HSDL2: variants seen among roughly 807,000 people sequenced by gnomAD.
HSDL2 encodes hydroxysteroid dehydrogenase like 2, also known as hydroxysteroid dehydrogenase-like protein 2.
A neutral mutation model predicts 46.3 loss-of-function variants in HSDL2; 27 were observed. That is an observed-to-expected ratio of 0.58 (90% CI 0.43 to 0.80). The LOEUF (loss-of-function observed/expected upper bound fraction) is 0.80, where lower values mean the gene tolerates loss of function less well. Among genes scored for constraint, HSDL2 ranks in the 30% least tolerant of loss-of-function variants. The pLI is 0.00. For missense variants in HSDL2, 451 were observed against 502.7 expected, an observed-to-expected ratio of 0.90 and a Z score of 0.98; for synonymous variants, 153 against 163.6, an observed-to-expected ratio of 0.94 and a Z score of 0.50.
At chr9:112,399,506 T>A (rs1170187282) in intron 1 of HSDL2, among the ~76,000 whole-genome samples, 1 of 152,128 alleles carries the variant, frequency 6.6e-6, no homozygotes, top group Admixed American at 6.5e-5. Context: ...ACCACAAATT[T>A]ACCAGGGTGG....
At chr9:112,415,514 C>A (rs1465660430) in intron 4 of HSDL2, among the ~76,000 whole-genome samples, 1 of 152,138 alleles carries the variant, frequency 6.6e-6, no homozygotes, top group East Asian at 1.9e-4. Context: ...AGAATTTGAA[C>A]CCTGGTCTGT....
chr9:112,399,292 G>A (rs952116370), intron 1 of HSDL2, among the ~76,000 whole-genome samples: 1 of 152,122 alleles, frequency 6.6e-6, no homozygotes, highest in African/African-American at 2.4e-5. Context: ...AAAGGGGAGG[G>A]GGTGTAAGAA....
intron 6 of HSDL2, among the ~76,000 whole-genome samples, chr9:112,430,729 G>A (rs1832369104): frequency 6.6e-6 from 1 of 152,148 alleles, no homozygotes; most frequent in African/African-American, 2.4e-5. Context: ...TTTGGGATGT[G>A]AGAGAAAGAG....
chr9:112,422,292 C>T (rs542662762), intron 6 of HSDL2, among the ~76,000 whole-genome samples: 20 of 152,114 alleles, frequency 1.3e-4, no homozygotes, highest in African/African-American at 4.6e-4. Flanking sequence ...CTAAGAGGAC[C>T]CAATATCCAG....
At chr9:112,421,049 G>A (rs1564116952) in intron 6 of HSDL2, among the ~76,000 whole-genome samples, 1 of 152,156 alleles carries the variant, frequency 6.6e-6, no homozygotes, top group Non-Finnish European at 1.5e-5. Flanking sequence ...AATGTAACAG[G>A]CCAGTTGCAG....
chr9:112,417,067 G>C, intron 5 of HSDL2, 123 bp downstream of exon 5: 1 of 453,410 alleles, frequency 2.2e-6, no homozygotes, highest in Non-Finnish European at 4.0e-6. Flanking sequence ...TCTATGCCAA[G>C]TCATTAAGTG....
At chr9:112,381,481 G>A (rs1378980447) in intron 1 of HSDL2, among the ~76,000 whole-genome samples, 1 of 152,114 alleles carries the variant, frequency 6.6e-6, no homozygotes, top group Non-Finnish European at 1.5e-5. Flanking sequence ...AGCCTCCCGA[G>A]TAGCTGGGAC....
At chr9:112,400,101 G>A (rs1021449156) in intron 1 of HSDL2, among the ~76,000 whole-genome samples, 12 of 152,118 alleles carry the variant, frequency 7.9e-5, no homozygotes, top group African/African-American at 2.2e-4. Flanking sequence ...CTGACTTCCC[G>A]CAACAAGAAG....
intron 8 of HSDL2, among the ~76,000 whole-genome samples, chr9:112,446,536 C>T (rs1463687597): frequency 6.6e-6 from 1 of 152,082 alleles, no homozygotes; most frequent in African/African-American, 2.4e-5. Context: ...GAGGCTGAGG[C>T]GGGAGGATCA....
In HSDL2 at chr9:112,432,855, C is replaced by T. The variant is rs531237799; in HGVS notation, c.599-5576C>T. ...CCATCTCGGCTCACTGAAACCTGTG[C>T]CTCCTGAGTTCAAGTGATTATCCTG... On this transcript the variant is annotated intron_variant, in intron 6 of 10. Coordinates refer to ENST00000398805, the MANE Select transcript of HSDL2 (RefSeq NM_032303.5). Among the ~76,000 whole-genome samples, 5 of 152,282 alleles carry T rather than the reference C, an allele frequency of 3.3e-5. No homozygotes were observed. The South Asian group carries it at 8.3e-4, about 25-fold the overall frequency.
At position 112,409,015 on chromosome 9, in the gene HSDL2, A is replaced by G. The variant is rs770041411; in HGVS notation, c.389A>G (p.Tyr130Cys). ...ATGAACGTGAACACCAGAGGCACCT[A>G]CCTTGCGTAAGTTTGCAAGAAGAGT... ...LMMNVNTRGT[Y>C]LASKACIPYL... The change falls in exon 4 of 11, where the codon TAC becomes TGC. Residue 130 changes from tyrosine (Y) to cysteine (C), a missense_variant. Transcript: ENST00000398805. The G allele has an allele frequency of 1.9e-6, 3 of 1,581,954 alleles. No individual in the cohort carries two copies. Among genetic ancestry groups the G allele is most frequent in the Non-Finnish European group, 2.6e-6 (3 of 1,155,590 alleles).
At chr9:112,393,613 G>A (rs1831393275) in intron 1 of HSDL2, among the ~76,000 whole-genome samples, 1 of 152,192 alleles carries the variant, frequency 6.6e-6, no homozygotes, top group South Asian at 2.1e-4. Flanking sequence ...ACTGTAATTA[G>A]GCCCATGATC....
chr9:112,441,725 T>C lies in HSDL2; in HGVS notation c.820T>C (p.Leu274=). The change falls in exon 8 of 11, where the codon TTA becomes CTA. Residue 274 remains leucine (L), a synonymous_variant. Coordinates refer to ENST00000398805, the MANE Select transcript of HSDL2 (RefSeq NM_032303.5). ...TCATCCTTTGCAACCAGATTTCTTCTTAGATGAATACCCAGAAGCAGTTAG... is the reference window on the plus strand; with the variant it reads ...TCATCCTTTGCAACCAGATTTCTTCCTAGATGAATACCCAGAAGCAGTTAG... The part of the protein sequence containing the change: ...PGHPLQPDFF[L]DEYPEAVSKK... 1 of 1,613,024 alleles carries C rather than the reference T, an allele frequency of 6.2e-7. No homozygotes were observed. The highest frequency in any genetic ancestry group is 8.5e-7 in the Non-Finnish European group (1 of 1,179,160).
chr9:112,406,531 C>T (rs7026720), intron 3 of HSDL2, among the ~76,000 whole-genome samples: 2,419 of 151,590 alleles, frequency 0.016, 57 homozygotes, highest in African/African-American at 0.056. Context: ...AGTGCAGTGG[C>T]GCAATCTCGG....
chr9:112,420,506 T>TA (rs796449568), intron 6 of HSDL2, among the ~76,000 whole-genome samples: 23 of 103,026 alleles, frequency 2.2e-4, no homozygotes, highest in Admixed American at 6.9e-4. Context: ...TGAGGCCTCT[T>TA]AAAAAAAAAA....
chr9:112,428,048 C>T (rs1420243115), intron 6 of HSDL2, among the ~76,000 whole-genome samples: 2 of 152,200 alleles, frequency 1.3e-5, no homozygotes, highest in African/African-American at 2.4e-5. Context: ...TCCAGAGTTG[C>T]TTCCTATCTG....
At chr9:112,396,228 C>G (rs911761964) in intron 1 of HSDL2, among the ~76,000 whole-genome samples, 2 of 152,158 alleles carry the variant, frequency 1.3e-5, no homozygotes, top group Non-Finnish European at 2.9e-5. Flanking sequence ...ACCATCAGGG[C>G]TAGTGCAAGG....
In HSDL2 at chr9:112,462,600, ATGTGTGTGTGTGTGTG is replaced by A. The variant is rs3032131; in HGVS notation, c.1144+3049_1144+3064del. Among the ~76,000 whole-genome samples the A allele has an allele frequency of 2.5e-4, 37 of 146,732 alleles. No individual in the cohort carries two copies. In the East Asian group the frequency reaches 3.0e-3, roughly 12 times the overall value. Reference sequence around the variant, plus strand: ...AATATTACTTTACCTGAGGAGGGGGATGTGTGTGTGTGTGTGTGTGTGTGTGTGTGTGTGTGTGTGT... The same window carrying A: ...AATATTACTTTACCTGAGGAGGGGGATGTGTGTGTGTGTGTGTGTGTGTGT... On this transcript the variant is annotated intron_variant, in intron 10 of 10. Coordinates refer to ENST00000398805, the MANE Select transcript of HSDL2 (RefSeq NM_032303.5).
intron 10 of HSDL2, among the ~76,000 whole-genome samples, chr9:112,465,884 T>C (rs144913405): frequency 5.6e-4 from 85 of 152,368 alleles, no homozygotes; most frequent in African/African-American, 1.9e-3. Context: ...TATGTTTTCA[T>C]TTCTCTTGGC....
Sources: allele counts gnomAD v4.1 joint callset (sites outside exome capture counted in the v4.1 genomes callset), GRCh38; gene constraint gnomAD v4.1.1; transcripts MANE v1.5; gene names NCBI Gene and HGNC (gene_info 2026-07-23, HGNC 2026-07-21).